PCDH15: variants seen among roughly 807,000 people sequenced by gnomAD.
The protein encoded by PCDH15 is protocadherin related 15, also known as protocadherin-15.
PCDH15 carries 129 observed loss-of-function variants against 178.5 expected under a neutral mutation model. The observed-to-expected ratio is 0.72, with a 90% CI of 0.63 to 0.84. The LOEUF (loss-of-function observed/expected upper bound fraction) is 0.84. Among genes scored for constraint, PCDH15 ranks in the 40% least tolerant of loss-of-function variants. PCDH15 has a pLI of 0.00. For synonymous variants in PCDH15, 800 were observed against 732.0 expected, an observed-to-expected ratio of 1.09 and a Z score of -1.50; for missense variants, 2,230 against 2,099.9, an observed-to-expected ratio of 1.06 and a Z score of -1.21.
Position 54,972,151 on chromosome 10 carries a change from G to A in PCDH15, c.-79-74651C>T, listed in dbSNP as rs1838950141. Among the ~76,000 whole-genome samples, 3 of 152,160 alleles carry A rather than the reference G, an allele frequency of 2.0e-5. 1 individual carries two copies. The South Asian group carries it at 6.2e-4, about 32-fold the overall frequency. On this transcript the variant is annotated intron_variant, in intron 2 of 5. Coordinates refer to the PCDH15 transcript ENST00000458638. ...GTACAATATAGGAATAGTACATCAA[G>A]ATACACCAAATTATAAACTTTTATG...
chr10:54,884,480 GGTGTGTGTGT>G (rs11473798), intron 3 of PCDH15, among the ~76,000 whole-genome samples: 5 of 148,622 alleles, frequency 3.4e-5, no homozygotes, highest in Non-Finnish European at 7.5e-5. Flanking sequence ...TACTAAGATA[GGTGTGTGTGT>G]GTGTGTGTGT....
chr10:54,023,817 C>G (rs926782294), intron 18 of PCDH15, among the ~76,000 whole-genome samples: 1 of 151,698 alleles, frequency 6.6e-6, no homozygotes, highest in African/African-American at 2.4e-5. Context: ...AATGAGAACA[C>G]TGTGGCTTAT....
intron 2 of PCDH15, among the ~76,000 whole-genome samples, chr10:54,982,801 C>T (rs11004655): frequency 1.4e-3 from 215 of 151,990 alleles, no homozygotes; most frequent in African/African-American, 4.9e-3. Context: ...TGATTTTTAC[C>T]CTCAAAATGT....
chr10:54,833,003 A>G (rs1953250712), intron 3 of PCDH15, among the ~76,000 whole-genome samples: 1 of 152,188 alleles, frequency 6.6e-6, no homozygotes, highest in Non-Finnish European at 1.5e-5. Flanking sequence ...ATATTTATGC[A>G]AGAAAAAGGG....
intron 2 of PCDH15, among the ~76,000 whole-genome samples, chr10:54,532,706 G>A (rs2084053758): frequency 6.6e-6 from 1 of 151,778 alleles, no homozygotes; most frequent in Middle Eastern, 3.2e-3. Flanking sequence ...TCAAGTGCAA[G>A]TACAGCAGGT....
intron 9 of PCDH15, among the ~76,000 whole-genome samples, chr10:54,234,423 C>T (rs1311832130): frequency 1.3e-5 from 2 of 152,098 alleles, no homozygotes; most frequent in Non-Finnish European, 2.9e-5. Flanking sequence ...GGTAGTGGCT[C>T]ACGCCTGTAA....
chr10:55,545,782 A>G (rs1396057109), intron 2 of PCDH15, among the ~76,000 whole-genome samples: 1 of 152,172 alleles, frequency 6.6e-6, no homozygotes, highest in East Asian at 1.9e-4. Flanking sequence ...AAATTTAAAA[A>G]CAATTATTGA....
intron 2 of PCDH15, among the ~76,000 whole-genome samples, chr10:55,462,331 C>T (rs1411496893): frequency 6.6e-6 from 1 of 152,042 alleles, no homozygotes; most frequent in Non-Finnish European, 1.5e-5. Flanking sequence ...ACCACAGGTC[C>T]TTCTGGATTT....
At chr10:54,655,278 G>GAGAGAGAGAGAGAC (rs2094361667) in intron 2 of PCDH15, among the ~76,000 whole-genome samples, 8 of 140,594 alleles carry the variant, frequency 5.7e-5, no homozygotes, top group African/African-American at 1.7e-4. Flanking sequence ...GAGAGAGAGA[G>GAGAGAGAGAGAGAC]AGAGAGAGAG....
At chr10:54,604,837 C>CT (rs1426659123) in intron 2 of PCDH15, among the ~76,000 whole-genome samples, 2 of 151,190 alleles carry the variant, frequency 1.3e-5, no homozygotes, top group African/African-American at 4.9e-5. Context: ...TTTTGTGTTT[C>CT]TTTTTTTGTT....
intron 11 of PCDH15, among the ~76,000 whole-genome samples, chr10:54,193,486 A>C (rs2049245745): frequency 1.3e-5 from 2 of 152,212 alleles, no homozygotes; most frequent in African/African-American, 4.8e-5. Flanking sequence ...GTATGTATTC[A>C]ATTGAAAAGC....
At chr10:55,301,156 T>C (rs1286598053) in intron 1 of PCDH15, among the ~76,000 whole-genome samples, 1 of 152,202 alleles carries the variant, frequency 6.6e-6, no homozygotes. Flanking sequence ...GATAGTTGTA[T>C]GTTTAATTTG....
chr10:54,849,049 T>G (rs1953563607), intron 3 of PCDH15, among the ~76,000 whole-genome samples: 1 of 152,236 alleles, frequency 6.6e-6, no homozygotes, highest in Admixed American at 6.5e-5. Flanking sequence ...TAAAAAAAAT[T>G]ACGTTGAATA....
intron 9 of PCDH15, among the ~76,000 whole-genome samples, chr10:54,223,834 G>A (rs1423816304): frequency 6.6e-6 from 1 of 151,990 alleles, no homozygotes; most frequent in African/African-American, 2.4e-5. Context: ...TTCTTAAAAT[G>A]TTATTGTTTT....
intron 1 of PCDH15, among the ~76,000 whole-genome samples, chr10:54,766,579 C>A (rs1948536236): frequency 6.6e-6 from 1 of 151,356 alleles, no homozygotes; most frequent in Non-Finnish European, 1.5e-5. Context: ...CTAAATGTAT[C>A]ACATAGTGAT....
intron 6 of PCDH15, among the ~76,000 whole-genome samples, chr10:54,341,011 C>A (rs759374483): frequency 5.3e-5 from 8 of 152,132 alleles, no homozygotes; most frequent in Non-Finnish European, 1.0e-4. Context: ...CTGCTGATCA[C>A]CAGCTTCAAG....
chr10:55,130,687 G>A (rs1318900412), intron 2 of PCDH15, among the ~76,000 whole-genome samples: 5 of 2,812 alleles, frequency 1.8e-3, no homozygotes, highest in Non-Finnish European at 8.2e-3. Context: ...ACACGTGTGT[G>A]TGTGTGTGTG....
At chr10:54,042,602 A>C (rs1294596201) in intron 18 of PCDH15, among the ~76,000 whole-genome samples, 1 of 152,090 alleles carries the variant, frequency 6.6e-6, no homozygotes, top group African/African-American at 2.4e-5. Context: ...AGCTGTGTTC[A>C]AGAACAGCAA....
intron 1 of PCDH15, among the ~76,000 whole-genome samples, chr10:54,768,288 T>C (rs1247670095): frequency 2.6e-5 from 4 of 152,110 alleles, no homozygotes; most frequent in African/African-American, 7.2e-5. Flanking sequence ...AGATAAGTCA[T>C]TTAAGCCTCT....
Sources: gnomAD v4.1 joint callset for allele counts (sites outside exome capture counted in the v4.1 genomes callset) on GRCh38, gnomAD v4.1.1 for gene constraint, MANE v1.5 for transcripts, NCBI Gene and HGNC (gene_info 2026-07-23, HGNC 2026-07-21) for gene names.